PPM1L: variants seen among roughly 807,000 people sequenced by gnomAD.
PPM1L encodes the protein protein phosphatase 1L.
In PPM1L, 13 loss-of-function variants were observed where a neutral mutation model predicts 31.4. The ratio of observed to expected loss-of-function variants is 0.41; its 90% CI spans 0.27 to 0.66. PPM1L has a LOEUF of 0.66. Ranked by LOEUF, PPM1L falls within the 30% of genes least tolerant of loss-of-function variation. The pLI is 0.29. For missense variants in PPM1L, 326 were observed against 453.7 expected, an observed-to-expected ratio of 0.72 and a Z score of 2.56; for synonymous variants, 184 against 175.4, an observed-to-expected ratio of 1.05 and a Z score of -0.39.
chr3:160,890,901 C>T (rs1345703986), intron 1 of PPM1L, among the ~76,000 whole-genome samples: 1 of 152,134 alleles, frequency 6.6e-6, no homozygotes, highest in African/African-American at 2.4e-5. Flanking sequence ...ATAAATGGTG[C>T]TAGGAAAACT....
At chr3:160,869,452 T>C (rs965923350) in intron 1 of PPM1L, among the ~76,000 whole-genome samples, 2 of 152,226 alleles carry the variant, frequency 1.3e-5, no homozygotes, top group African/African-American at 4.8e-5. Flanking sequence ...ATAAACCTTA[T>C]GTTAGGCATA....
In PPM1L at chr3:160,961,985, A is replaced by G. The variant is rs1429974864; in HGVS notation, c.574+75A>G. 5.6e-6 allele frequency: 7 copies of G among 1,254,762 alleles called. No individual in the cohort carries two copies. In the East Asian group the frequency reaches 1.5e-4, roughly 27 times the overall value. 77.7% of individuals were successfully genotyped at this position (1,254,762 alleles called of 1,614,324 possible). On this transcript the variant is annotated intron_variant, in intron 2 of 3. Transcript: ENST00000498165. ...ATTATAAACCTTGATTAAACTTGGT[A>G]AAAGGTTAAGGGCAAACTAGATTCA... is the stretch of plus-strand genomic sequence containing the variant.
intron 1 of PPM1L, among the ~76,000 whole-genome samples, chr3:160,771,457 G>A (rs1715253747): frequency 1.3e-5 from 2 of 150,004 alleles, no homozygotes; most frequent in Non-Finnish European, 2.9e-5. Flanking sequence ...TGCCTAGGCT[G>A]GTCTTGAACT....
intron 2 of PPM1L, among the ~76,000 whole-genome samples, chr3:161,038,766 T>A (rs750691849): frequency 7.9e-5 from 12 of 152,140 alleles, no homozygotes; most frequent in Non-Finnish European, 1.3e-4. Flanking sequence ...CAGAGGCATG[T>A]GAACCAGAGC....
intron 1 of PPM1L, among the ~76,000 whole-genome samples, chr3:160,863,311 T>G (rs1372941644): frequency 2.0e-5 from 3 of 152,214 alleles, no homozygotes; most frequent in East Asian, 3.8e-4. Flanking sequence ...TACCTCAGCT[T>G]TCTAGTCGTC....
intron 1 of PPM1L, among the ~76,000 whole-genome samples, chr3:160,926,167 C>T (rs1222247229): frequency 6.6e-6 from 1 of 152,154 alleles, no homozygotes; most frequent in Non-Finnish European, 1.5e-5. Flanking sequence ...TGCCCCTTTC[C>T]TCTAGCGTCT....
chr3:160,916,480 A>G (rs1714186273), intron 1 of PPM1L, among the ~76,000 whole-genome samples: 1 of 152,184 alleles, frequency 6.6e-6, no homozygotes, highest in Non-Finnish European at 1.5e-5. Flanking sequence ...GCTAAAATGT[A>G]ACACATCTGC....
chr3:160,821,045 G>A (rs1471303083), intron 1 of PPM1L, among the ~76,000 whole-genome samples: 1 of 151,982 alleles, frequency 6.6e-6, no homozygotes, highest in Non-Finnish European at 1.5e-5. Context: ...GAATTTTACA[G>A]CTGGGAAGAC....
At chr3:161,040,037 A>G (rs932887781) in intron 2 of PPM1L, among the ~76,000 whole-genome samples, 68 of 152,314 alleles carry the variant, frequency 4.5e-4, no homozygotes, top group African/African-American at 1.5e-3. Flanking sequence ...AACTGGGTAT[A>G]AATCTACTGG....
At chr3:160,794,238 T>G (rs963305262) in intron 1 of PPM1L, among the ~76,000 whole-genome samples, 9 of 152,128 alleles carry the variant, frequency 5.9e-5, no homozygotes, top group Admixed American at 5.9e-4. Flanking sequence ...TATATTCAGG[T>G]TCTGTGTTCT....
rs370079642 is a variant in PPM1L at position 160,975,353 on chromosome 3, C to T, written c.574+13443C>T. Among the ~76,000 whole-genome samples, 35 of 152,022 alleles carry T rather than the reference C, an allele frequency of 2.3e-4. 1 individual carries two copies. In the South Asian group the frequency reaches 5.8e-3, roughly 25 times the overall value. ...TTGGCTTAGGATTGACTTGGCGATG[C>T]GGGCTCTTTTTTGGTTCCATATGAA... On this transcript the variant is annotated intron_variant, in intron 2 of 3. Transcript: ENST00000498165.
chr3:160,897,788 A>G (rs905843228), intron 1 of PPM1L, among the ~76,000 whole-genome samples: 1 of 152,242 alleles, frequency 6.6e-6, no homozygotes, highest in African/African-American at 2.4e-5. Flanking sequence ...GCTCCAGTCT[A>G]AACTATCCCT....
chr3:160,999,210 G>A (rs4679670), intron 2 of PPM1L, among the ~76,000 whole-genome samples: 1 of 152,126 alleles, frequency 6.6e-6, no homozygotes. Flanking sequence ...CCATTAATAT[G>A]TCCATTTTTA....
chr3:160,785,127 T>C (rs889333079), intron 1 of PPM1L, among the ~76,000 whole-genome samples: 1 of 152,212 alleles, frequency 6.6e-6, no homozygotes, highest in Non-Finnish European at 1.5e-5. Context: ...ATTTATACAG[T>C]GTTTGCTTAC....
At chr3:160,840,743 GGAGAGAGAGAAAGAAGGAGA>G (rs1472772366) in intron 1 of PPM1L, among the ~76,000 whole-genome samples, 2 of 141,024 alleles carry the variant, frequency 1.4e-5, no homozygotes, top group Non-Finnish European at 3.0e-5. Flanking sequence ...AGAGAGAGAA[GGAGAGAGAGAAAGAAGGAGA>G]GAGAGAGAGA....
In PPM1L at chr3:160,905,910, T is replaced by C. The variant is rs1713739070; in HGVS notation, c.400-55826T>C. ...TTTATTTGAATGCTTTACATTTTAA[T>C]TGCTCATTTAAACCTTTTAAAATCT... On this transcript the variant is annotated intron_variant, in intron 1 of 3. Coordinates refer to ENST00000498165, the MANE Select transcript of PPM1L (RefSeq NM_139245.4). Among the ~76,000 whole-genome samples the C allele has an allele frequency of 2.6e-5, 4 of 152,148 alleles. No individual in the cohort carries two copies. The South Asian group carries it at 8.3e-4, about 31-fold the overall frequency.
intron 2 of PPM1L, among the ~76,000 whole-genome samples, chr3:161,002,070 G>A (rs369102724): frequency 1.0e-4 from 15 of 145,950 alleles, no homozygotes; most frequent in African/African-American, 3.6e-4. Flanking sequence ...TCCCACCTAT[G>A]AGTGAGAATA....
intron 1 of PPM1L, chr3:160,870,717 G>T (rs9814174): frequency 0.87 from 132,008 of 152,244 alleles, 57,467 homozygotes; most frequent in Middle Eastern, 0.91. Flanking sequence ...AGCTGATAAT[G>T]AGACCTACTG....
intron 2 of PPM1L, among the ~76,000 whole-genome samples, chr3:161,011,502 T>C (rs1207876024): frequency 6.6e-6 from 1 of 152,112 alleles, no homozygotes; most frequent in Non-Finnish European, 1.5e-5. Flanking sequence ...CAATGTGGGC[T>C]CTTTTTTGGT....
Sources: gnomAD v4.1 joint callset for allele counts (sites outside exome capture counted in the v4.1 genomes callset) on GRCh38, gnomAD v4.1.1 for gene constraint, MANE v1.5 for transcripts, NCBI Gene and HGNC (gene_info 2026-07-23, HGNC 2026-07-21) for gene names.